Variants in HIPK3 observed in about 807,000 individuals in gnomAD.
HIPK3 encodes the protein homeodomain-interacting protein kinase 3.
In HIPK3, 47 loss-of-function variants were observed where a neutral mutation model predicts 124.2. That is an observed-to-expected ratio of 0.38 (90% confidence interval 0.30 to 0.48). HIPK3 has a LOEUF of 0.48. Ranked by LOEUF, HIPK3 falls within the 20% of genes least tolerant of loss-of-function variation. The pLI is 0.98. For missense variants in HIPK3, 1,286 were observed against 1,454.3 expected, an observed-to-expected ratio of 0.88 and a Z score of 1.88; for synonymous variants, 482 against 515.2, an observed-to-expected ratio of 0.94 and a Z score of 0.87.
rs775018730 is a variant in HIPK3 at position 33,287,394 on chromosome 11, A to G, written c.980A>G (p.Asn327Ser). ...ATTCATGCTGATCTCAAGCCAGAGAATATTATGTTGGTGGATCCTGTTCGG... is the reference window on the plus strand; with the variant it reads ...ATTCATGCTGATCTCAAGCCAGAGAGTATTATGTTGGTGGATCCTGTTCGG... ...GLIHADLKPENIMLVDPVRQP... is the reference protein window; with the variant it reads ...GLIHADLKPESIMLVDPVRQP... Residue 327 changes from asparagine (N) to serine (S), a missense_variant, in exon 2 of 17, where the codon AAT becomes AGT. Coordinates refer to ENST00000303296, the MANE Select transcript of HIPK3 (RefSeq NM_005734.5). The G allele has an allele frequency of 6.2e-7, 1 of 1,614,194 alleles. No homozygotes were observed. Among genetic ancestry groups the G allele is most frequent in the Non-Finnish European group, 8.5e-7 (1 of 1,180,024 alleles).
chr11:33,330,607 G>A lies in HIPK3; in HGVS notation c.1221+1974G>A, dbSNP rs539621308. Among the ~76,000 whole-genome samples, 8 of 152,166 alleles carry A rather than the reference G, an allele frequency of 5.3e-5. No homozygotes were observed. The South Asian group carries it at 1.7e-3, about 32-fold the overall frequency. ...CTCCCAAAGTGTTGGGATTACAGGC[G>A]TGAGCCACTGTGCCCCGCCCACAGT... On this transcript the variant is annotated intron_variant, in intron 3 of 16. Coordinates refer to ENST00000303296, the MANE Select transcript of HIPK3 (RefSeq NM_005734.5).
At chr11:33,319,823 A>G (rs1051195938) in intron 2 of HIPK3, among the ~76,000 whole-genome samples, 2 of 152,220 alleles carry the variant, frequency 1.3e-5, no homozygotes, top group Non-Finnish European at 2.9e-5. Context: ...GCAGAGAGGA[A>G]ATAGATAATA....
intron 3 of HIPK3, among the ~76,000 whole-genome samples, chr11:33,329,471 T>G (rs1351167481): frequency 6.6e-6 from 1 of 152,200 alleles, no homozygotes; most frequent in Non-Finnish European, 1.5e-5. Flanking sequence ...TACATAATCA[T>G]GATTATAGCC....
At chr11:33,316,289 T>A (rs1852500451) in intron 2 of HIPK3, among the ~76,000 whole-genome samples, 1 of 152,244 alleles carries the variant, frequency 6.6e-6, no homozygotes, top group Non-Finnish European at 1.5e-5. Flanking sequence ...CTAGTAGTAT[T>A]TTGACAGTCA....
intron 1 of HIPK3, among the ~76,000 whole-genome samples, chr11:33,273,753 TC>T (rs1450280548): frequency 2.0e-5 from 3 of 152,136 alleles, no homozygotes; most frequent in Non-Finnish European, 4.4e-5. Context: ...ACTTATTTTT[TC>T]CAGGCCCCAC....
chr11:33,293,323 T>A (rs1479112602), intron 2 of HIPK3, among the ~76,000 whole-genome samples: 1 of 152,194 alleles, frequency 6.6e-6, no homozygotes, highest in African/African-American at 2.4e-5. Context: ...ATTTTAAGTT[T>A]AAAATTTTTT....
chr11:33,270,303 C>CTTAT (rs144273168), intron 1 of HIPK3, among the ~76,000 whole-genome samples: 64 of 151,768 alleles, frequency 4.2e-4, no homozygotes, highest in Admixed American at 1.4e-3. Context: ...TGTTTGAAAC[C>CTTAT]TTATTTATTT....
At chr11:33,307,755 G>GGTGTGTGTGTGTGT (rs150805766) in intron 2 of HIPK3, among the ~76,000 whole-genome samples, 1 of 145,758 alleles carries the variant, frequency 6.9e-6, no homozygotes, top group African/African-American at 2.5e-5. Context: ...TATTCTTGTT[G>GGTGTGTGTGTGTGT]GTGTGTGTGT....
chr11:33,350,488 G>A (rs1056588312), intron 14 of HIPK3, among the ~76,000 whole-genome samples: 1 of 150,756 alleles, frequency 6.6e-6, no homozygotes, highest in Non-Finnish European at 1.5e-5. Context: ...ACAACATAGT[G>A]AGACCCCGCC....
intron 1 of HIPK3, among the ~76,000 whole-genome samples, chr11:33,279,897 T>C (rs1169265293): frequency 6.6e-6 from 1 of 151,910 alleles, no homozygotes; most frequent in Non-Finnish European, 1.5e-5. Context: ...CAGGCCTCTT[T>C]TATGTAAAAG....
intron 1 of HIPK3, among the ~76,000 whole-genome samples, chr11:33,269,005 C>A (rs927651593): frequency 1.3e-5 from 2 of 152,104 alleles, no homozygotes; most frequent in African/African-American, 4.8e-5. Context: ...CATGCTCTTA[C>A]CTGTTTTTAT....
In HIPK3 at chr11:33,351,602, T is replaced by A; in HGVS notation, c.2808-6T>A. ...ATCACTCATAAAAAATGCTTTCTTTTTGTAGTATGTCAGATGAAGAGCAAG... is the reference window on the plus strand; with the variant it reads ...ATCACTCATAAAAAATGCTTTCTTTATGTAGTATGTCAGATGAAGAGCAAG... On this transcript the variant is annotated splice_region_variant and splice_polypyrimidine_tract_variant and intron_variant, in intron 14 of 16. Coordinates refer to ENST00000303296, the MANE Select transcript of HIPK3 (RefSeq NM_005734.5). The A allele has an allele frequency of 5.6e-6, 9 of 1,605,214 alleles. No individual in the cohort carries two copies. Among genetic ancestry groups the A allele is most frequent in the Non-Finnish European group, 7.7e-6 (9 of 1,172,746 alleles).
At chr11:33,256,750 G>A (rs1243510182), upstream of HIPK3, 6 of 977,426 alleles carry the variant, frequency 6.1e-6, no homozygotes, top group Admixed American at 6.2e-5. Context: ...TACCAATGTG[G>A]AGGTGGGCGA....
chr11:33,321,241 A>T (rs942028041), intron 2 of HIPK3, among the ~76,000 whole-genome samples: 3 of 152,174 alleles, frequency 2.0e-5, no homozygotes, highest in Non-Finnish European at 4.4e-5. Context: ...AGTGACCTTG[A>T]TAAGAGCTAT....
chr11:33,311,588 A>G (rs1188285714), intron 2 of HIPK3, among the ~76,000 whole-genome samples: 2 of 152,120 alleles, frequency 1.3e-5, no homozygotes, highest in African/African-American at 4.8e-5. Context: ...CTCTGTACAC[A>G]TACAGCCTGC....
chr11:33,351,551 C>G, intron 14 of HIPK3, 57 bp from the exon 15 acceptor site: 5 of 1,193,886 alleles, frequency 4.2e-6, no homozygotes, highest in Non-Finnish European at 5.0e-6. Flanking sequence ...TATTACTTAA[C>G]ATTAGATTTA....
At chr11:33,337,486 G>A (rs1380554928) in intron 4 of HIPK3, among the ~76,000 whole-genome samples, 1 of 151,656 alleles carries the variant, frequency 6.6e-6, no homozygotes, top group Non-Finnish European at 1.5e-5. Flanking sequence ...CTCCCAAGTA[G>A]CTGGGACTAC....
At chr11:33,286,391 C>CTTTTTTTTTTTTTTTTTTTT (rs34512764) in intron 1 of HIPK3, 22 bp from the exon 2 acceptor site, 1 of 1,059,790 alleles carries the variant, frequency 9.4e-7, no homozygotes, top group African/African-American at 2.1e-5. Context: ...TTTTCTTTTC[C>CTTTTTTTTTTTTTTTTTTTT]TTTTTTTTTT....
chr11:33,311,653 T>C (rs1035141739), intron 2 of HIPK3, among the ~76,000 whole-genome samples: 14 of 152,172 alleles, frequency 9.2e-5, no homozygotes, highest in Non-Finnish European at 2.9e-5. Flanking sequence ...TAAACCTCCA[T>C]TGATGCATTG....
Sources: allele counts gnomAD v4.1 joint callset (sites outside exome capture counted in the v4.1 genomes callset), GRCh38; gene constraint gnomAD v4.1.1; transcripts MANE v1.5; gene names NCBI Gene and HGNC (gene_info 2026-07-23, HGNC 2026-07-21).